The following ISG20L2 variants were observed in gnomAD, a reference collection of about 807,000 sequenced individuals.
The protein encoded by ISG20L2 is interferon-stimulated 20 kDa exonuclease-like 2.
Under a neutral mutation model 27.8 loss-of-function variants are expected in ISG20L2, and 14 were observed. That is an observed-to-expected ratio of 0.50 (90% CI 0.33 to 0.79). The LOEUF is 0.79. Among genes scored for constraint, ISG20L2 ranks in the 30% least tolerant of loss-of-function variants. The pLI, the probability that ISG20L2 is intolerant of heterozygous loss-of-function variation, is 0.02. For missense variants in ISG20L2, 393 were observed against 435.1 expected, an observed-to-expected ratio of 0.90 and a Z score of 0.86; for synonymous variants, 157 against 165.7, an observed-to-expected ratio of 0.95 and a Z score of 0.40.
intron 1 of ISG20L2, 105 bp from the exon 2 acceptor site, chr1:156,727,874 C>G: frequency 7.5e-7 from 1 of 1,330,046 alleles, no homozygotes; most frequent in South Asian, 2.1e-5. Context: ...TCAGAGCAAT[C>G]TCTCAGACAG....
rs569006861 is a variant in ISG20L2, at chr1:156,728,620, G to A, written c.-323C>T. 3 of 984,724 alleles carry A rather than the reference G, an allele frequency of 3.0e-6. No individual in the cohort carries two copies. The African/African-American group carries it at 5.2e-5, about 17-fold the overall frequency. 61.0% of individuals were successfully genotyped at this position (984,724 alleles called of 1,614,324 possible). A position where few individuals can be genotyped will look rare whatever the true frequency, so the allele number is the denominator to read the frequency against. ...GGCAGTGGCGGCGGAGGAGGGGGCG[G>A]CGTGGGTGGGGGCGGGGGCGGGATG... On this transcript the variant is annotated 5_prime_UTR_variant, in exon 1 of 4. Coordinates refer to ENST00000368219, the MANE Select transcript of ISG20L2 (RefSeq NM_001370150.2).
chr1:156,727,024 A>G lies in ISG20L2; in HGVS notation c.629T>C (p.Val210Ala). ...GGGAAGAATGTACTCGTCATAAAGCACATCTCCGTTGTAGTTGACAATGCT... is the reference window on the plus strand; with the variant it reads ...GGGAAGAATGTACTCGTCATAAAGCGCATCTCCGTTGTAGTTGACAATGCT... ...RCSIVNYNGDVLYDEYILPPC... is the reference protein window; with the variant it reads ...RCSIVNYNGDALYDEYILPPC... Residue 210 changes from valine (V) to alanine (A), a missense_variant, in exon 2 of 4, where the codon GTG (valine) becomes GCG (alanine). Around this residue, in one of 3 missense-constraint regions of ISG20L2, gnomAD observed 171 missense variants for 195.3 expected, o/e 0.88. Transcript: ENST00000368219. 1.9e-6 allele frequency: 3 copies of G among 1,614,236 alleles called. No individual in the cohort carries two copies. The highest frequency in any genetic ancestry group is 2.5e-6 in the Non-Finnish European group (3 of 1,180,050).
chr1:156,728,110 G>A (rs1342033693), intron 1 of ISG20L2: 3 of 991,460 alleles, frequency 3.0e-6, no homozygotes, highest in African/African-American at 1.7e-5. Flanking sequence ...ACTCCGCCTA[G>A]GAAAGGAACA....
chr1:156,723,121 G>A lies in ISG20L2; in HGVS notation c.*228C>T. On this transcript the variant is annotated 3_prime_UTR_variant, in exon 4 of 4. Coordinates refer to ENST00000368219, the MANE Select transcript of ISG20L2 (RefSeq NM_001370150.2). ...CCATTTAAGAAGTAAAAGGTATAGG[G>A]TTGGGTTCTGACGTGAAGGCTTTCC... 2 of 558,104 alleles carry A rather than the reference G, an allele frequency of 3.6e-6. No homozygotes were observed. The highest frequency in any genetic ancestry group is 6.4e-6 in the Non-Finnish European group (2 of 313,922). 34.6% of individuals were successfully genotyped at this position (558,104 alleles called of 1,614,324 possible).
rs1407308672 is a variant in ISG20L2, at chr1:156,728,511, GA to G, written c.-215del. 1 of 985,514 alleles carries G rather than the reference GA, an allele frequency of 1.0e-6. No individual in the cohort carries two copies. Among genetic ancestry groups the G allele is most frequent in the Non-Finnish European group, 1.2e-6 (1 of 829,942 alleles). 61.0% of individuals were successfully genotyped at this position (985,514 alleles called of 1,614,324 possible). On this transcript the variant is annotated 5_prime_UTR_variant, in exon 1 of 4. Coordinates refer to ENST00000368219, the MANE Select transcript of ISG20L2 (RefSeq NM_001370150.2). ...CCCGGGAAGGCAGGCGCGCGGGTTA[GA>G]ACGCGCCAGAGGTCGGCGCGCGCAC...
At chr1:156,726,780 C>T (rs1173993052) in intron 2 of ISG20L2, 126 bp downstream of exon 2, 3 of 1,479,350 alleles carry the variant, frequency 2.0e-6, no homozygotes, top group Non-Finnish European at 1.8e-6. Flanking sequence ...TCTTCAACAA[C>T]TGATAGATTC....
chr1:156,724,144 C>A lies in ISG20L2; in HGVS notation c.948+4G>T. 1 of 1,612,872 alleles carries A rather than the reference C, an allele frequency of 6.2e-7. No individual in the cohort carries two copies. The highest frequency in any genetic ancestry group is 1.7e-5 in the Admixed American group (1 of 59,976). On this transcript the variant is annotated splice_donor_region_variant and intron_variant, in intron 3 of 3. Coordinates refer to ENST00000368219, the MANE Select transcript of ISG20L2 (RefSeq NM_001370150.2). ...TGGGGGCGGGGGATGTGGGGAGATG[C>A]TACCTGGATATCCCGGTTTAGCAGC...
rs1287917464 is a variant in ISG20L2, at chr1:156,723,325, A to G, written c.*24T>C. 2 of 1,612,836 alleles carry G rather than the reference A, an allele frequency of 1.2e-6. No individual in the cohort carries two copies. Among genetic ancestry groups the G allele is most frequent in the African/African-American group, 1.3e-5 (1 of 74,850 alleles). On this transcript the variant is annotated 3_prime_UTR_variant, in exon 4 of 4. Coordinates refer to ENST00000368219, the MANE Select transcript of ISG20L2 (RefSeq NM_001370150.2). ...TCCTGGGTGCTGCCTCTGCCTCCTC[A>G]TATCACCAGCGTCCCCACTGCCACT... is the stretch of plus-strand genomic sequence containing the variant.
intron 2 of ISG20L2, chr1:156,726,307 A>T (rs1648755561): frequency 1.0e-6 from 1 of 985,228 alleles, no homozygotes; most frequent in South Asian, 4.7e-5. Context: ...GGTTTTTCCA[A>T]ATCAAGCCCT....
At chr1:156,725,415 G>A (rs1483892912) in intron 2 of ISG20L2, 2 of 152,240 alleles carry the variant, frequency 1.3e-5, no homozygotes, top group East Asian at 3.8e-4. Flanking sequence ...TGAAGTAGGA[G>A]GACATGCTAC....
chr1:156,725,086 G>A (rs1648692979), intron 2 of ISG20L2: 2 of 152,088 alleles, frequency 1.3e-5, no homozygotes, highest in African/African-American at 2.4e-5. Context: ...CAAGTAGCTG[G>A]GACTACTGGC....
At chr1:156,725,867 G>C (rs547092351) in intron 2 of ISG20L2, 1 of 985,198 alleles carries the variant, frequency 1.0e-6, no homozygotes, top group African/African-American at 1.7e-5. Context: ...CACCTCTAAC[G>C]AACCTCCTCC....
At position 156,727,301 on chromosome 1, in the gene ISG20L2, A is replaced by G; in HGVS notation, c.352T>C (p.Leu118=). 1 of 1,614,156 alleles carries G rather than the reference A, an allele frequency of 6.2e-7. No individual in the cohort carries two copies. The change falls in exon 2 of 4, where the codon TTG becomes CTG. Residue 118 remains leucine, a synonymous_variant. Coordinates refer to ENST00000368219, the MANE Select transcript of ISG20L2 (RefSeq NM_001370150.2). The stretch of plus-strand genomic sequence containing the variant: ...AGGGCACTCTGGAACTCCCCCAGCA[A>G]ATCTACTTTAGCAGCAACAGAATCA... The part of the protein sequence containing the change: ...KADSVAAKVD[L]LGEFQSALPK...
rs372295651 is a variant in ISG20L2, at chr1:156,727,054, C to T, written c.599G>A (p.Arg200Gln). 1.1e-5 allele frequency: 17 copies of T among 1,614,184 alleles called. No homozygotes were observed. Among genetic ancestry groups the T allele is most frequent in the Non-Finnish European group, 1.4e-5 (17 of 1,180,038 alleles). The change falls in exon 2 of 4, where the codon CGA becomes CAA. Residue 200 changes from arginine to glutamine, a missense_variant. By Grantham distance (43) the Arg-to-Gln change is conservative (BLOSUM62 1). Transcript: ENST00000368219. The stretch of plus-strand genomic sequence containing the variant: ...TCCGTTGTAGTTGACAATGCTACAT[C>T]GAGCCAAGGAACTAACATGCCCCTT... Reference protein sequence around the residue: ...GPKGHVSSLARCSIVNYNGDV... With the variant: ...GPKGHVSSLAQCSIVNYNGDV...
chr1:156,723,975 A>T, intron 3 of ISG20L2, 173 bp downstream of exon 3: 1 of 1,200,258 alleles, frequency 8.3e-7, no homozygotes, highest in Non-Finnish European at 1.1e-6. Context: ...ACTTTGAAAC[A>T]TTCTATGAGG....
In ISG20L2 at chr1:156,728,582, G is replaced by C. The variant is rs1247325701; in HGVS notation, c.-285C>G. 6.1e-6 allele frequency: 6 copies of C among 985,272 alleles called. No individual in the cohort carries two copies. The highest frequency in any genetic ancestry group is 7.2e-6 in the Non-Finnish European group (6 of 829,806). The allele number at this position is 985,272 out of a possible 1,614,324, so 61.0% of individuals were successfully genotyped here. Reference sequence around the variant, plus strand: ...CAGGTAGTGAGGCCAGTGATTCCGAGTGTGTGAGGAGCGGCAGTGGCGGCG... The same window carrying C: ...CAGGTAGTGAGGCCAGTGATTCCGACTGTGTGAGGAGCGGCAGTGGCGGCG... On this transcript the variant is annotated 5_prime_UTR_variant, in exon 1 of 4. Transcript: ENST00000368219.
chr1:156,728,698 G>A lies in ISG20L2; in HGVS notation c.-401C>T. The A allele has an allele frequency of 9.1e-6, 9 of 991,528 alleles. No homozygotes were observed. The highest frequency in any genetic ancestry group is 1.1e-5 in the Non-Finnish European group (9 of 833,380). The allele number at this position is 991,528 out of a possible 1,614,324, so 61.4% of individuals were successfully genotyped here. ...TGGTACAACGCGAAGGTGTGGGAAG[G>A]CCGCGATAAACCGGAACTGCAGCCC... On this transcript the variant is annotated 5_prime_UTR_variant, in exon 1 of 4. Coordinates refer to ENST00000368219, the MANE Select transcript of ISG20L2 (RefSeq NM_001370150.2).
rs1571499417 is a variant in ISG20L2, at chr1:156,728,661, C to G, written c.-364G>C. 2.0e-6 allele frequency: 2 copies of G among 987,252 alleles called. No homozygotes were observed. Among genetic ancestry groups the G allele is most frequent in the Admixed American group, 6.1e-5 (1 of 16,294 alleles). 61.2% of individuals were successfully genotyped at this position (987,252 alleles called of 1,614,324 possible). On this transcript the variant is annotated 5_prime_UTR_variant, in exon 1 of 4. Transcript: ENST00000368219. ...GGGCGGGATGCGCTCCCCGGCCCCT[C>G]TAGCCCCGTGGTGGTACAACGCGAA... is the stretch of plus-strand genomic sequence containing the variant.
In ISG20L2 at chr1:156,723,481, CAA is replaced by C; in HGVS notation, c.949-21_949-20del. ...TCCCAACCTGAGCAAGCAAGGAAGA[CAA>C]GAGCATGAAGAGAAAAGAAACCGTT... On this transcript the variant is annotated intron_variant, in intron 3 of 3. Coordinates refer to ENST00000368219, the MANE Select transcript of ISG20L2 (RefSeq NM_001370150.2). The C allele has an allele frequency of 1.9e-6, 3 of 1,614,012 alleles. No individual in the cohort carries two copies. The highest frequency in any genetic ancestry group is 2.5e-6 in the Non-Finnish European group (3 of 1,180,000).
Sources: allele counts gnomAD v4.1 joint callset, GRCh38; gene constraint gnomAD v4.1.1; regional missense constraint gnomAD v4.1.1; transcripts MANE v1.5; gene names NCBI Gene and HGNC (gene_info 2026-07-23, HGNC 2026-07-21).